The following MACROD2 variants were observed in gnomAD, a reference collection of about 807,000 sequenced individuals.
MACROD2 encodes the protein mono-ADP ribosylhydrolase 2, also known as ADP-ribose glycohydrolase MACROD2.
Under a neutral mutation model 70.4 loss-of-function variants are expected in MACROD2, and 36 were observed. That is an observed-to-expected ratio of 0.51 (90% CI 0.39 to 0.68). The LOEUF is 0.68. Among genes scored for constraint, MACROD2 ranks in the 30% least tolerant of loss-of-function variants. The pLI is 0.00. For missense variants in MACROD2, 496 were observed against 538.4 expected (o/e 0.92, Z 0.78); for synonymous variants, 172 against 178.8 (o/e 0.96, Z 0.30).
At chr20:14,008,810 C>T (rs2052857892) in intron 2 of MACROD2, among the ~76,000 whole-genome samples, 1 of 151,706 alleles carries the variant, frequency 6.6e-6, no homozygotes, top group African/African-American at 2.4e-5. Flanking sequence ...AGAAATAAGT[C>T]TGCACACCTA....
intron 4 of MACROD2, among the ~76,000 whole-genome samples, chr20:14,651,600 T>C (rs1239233267): frequency 6.6e-6 from 1 of 152,210 alleles, no homozygotes; most frequent in Non-Finnish European, 1.5e-5. Flanking sequence ...CTGAACCATA[T>C]TGCTATATTG....
rs1307586288 is a variant in MACROD2 at position 14,227,764 on chromosome 20, C to G, written c.271+142036C>G. ...GCTGGGCTGAGCCTTTAAAATTTCC[C>G]TTTGCTTTTAGAAATTAATTTATGG... On this transcript the variant is annotated intron_variant, in intron 3 of 17. Transcript: ENST00000684519. 1.3e-5 allele frequency among the ~76,000 whole-genome samples: 2 copies of G among 152,186 alleles called. 1 individual carries two copies. Among genetic ancestry groups the G allele is most frequent in the South Asian group, 4.1e-4 (2 of 4,828 alleles).
chr20:14,411,578 C>T (rs946667136), intron 3 of MACROD2, among the ~76,000 whole-genome samples: 5 of 152,212 alleles, frequency 3.3e-5, no homozygotes, highest in East Asian at 1.9e-4. Flanking sequence ...GTCTAAGATA[C>T]TAAATACTAT....
chr20:14,255,971 A>C (rs2082053102), intron 3 of MACROD2, among the ~76,000 whole-genome samples: 1 of 151,420 alleles, frequency 6.6e-6, no homozygotes, highest in African/African-American at 2.4e-5. Flanking sequence ...TCATATTTTC[A>C]ATTTTGAAGA....
At chr20:15,811,216 A>G (rs375006481) in intron 8 of MACROD2, among the ~76,000 whole-genome samples, 2 of 152,080 alleles carry the variant, frequency 1.3e-5, no homozygotes, top group East Asian at 3.9e-4. Flanking sequence ...TCCAGAATCT[A>G]CAATGAACTC....
intron 4 of MACROD2, among the ~76,000 whole-genome samples, chr20:14,596,075 A>G (rs926874072): frequency 6.6e-6 from 1 of 151,352 alleles, no homozygotes. Context: ...ACACACATTT[A>G]TATATATATA....
At chr20:15,234,030 T>A (rs1158114356) in intron 6 of MACROD2, among the ~76,000 whole-genome samples, 10 of 24,664 alleles carry the variant, frequency 4.1e-4, no homozygotes, top group Admixed American at 2.0e-3. Context: ...TTTTTTTTTT[T>A]TTTTTTTTTT....
chr20:15,471,825 A>G (rs1249046569), intron 7 of MACROD2, among the ~76,000 whole-genome samples: 1 of 151,772 alleles, frequency 6.6e-6, no homozygotes, highest in Non-Finnish European at 1.5e-5. Flanking sequence ...CTCTTTCTCC[A>G]GATTGATGAT....
chr20:15,280,367 G>C (rs1366347275), intron 6 of MACROD2, among the ~76,000 whole-genome samples: 1 of 152,054 alleles, frequency 6.6e-6, no homozygotes, highest in Non-Finnish European at 1.5e-5. Flanking sequence ...AATAGTCACA[G>C]ACTAAATATC....
At chr20:15,311,199 T>C (rs1014276173) in intron 6 of MACROD2, among the ~76,000 whole-genome samples, 5 of 152,074 alleles carry the variant, frequency 3.3e-5, no homozygotes, top group African/African-American at 1.2e-4. Flanking sequence ...GGTTAACCTG[T>C]AGTATTAATG....
chr20:14,969,750 T>C (rs1377237472), intron 5 of MACROD2, among the ~76,000 whole-genome samples: 1 of 152,182 alleles, frequency 6.6e-6, no homozygotes, highest in Non-Finnish European at 1.5e-5. Context: ...TATTCATTTA[T>C]ATTAGATTCA....
At chr20:14,755,235 T>C (rs2071924669) in intron 5 of MACROD2, among the ~76,000 whole-genome samples, 1 of 152,034 alleles carries the variant, frequency 6.6e-6, no homozygotes, top group African/African-American at 2.4e-5. Flanking sequence ...CCTTGGGCTA[T>C]TTTAGATGAG....
At chr20:14,262,584 C>T (rs578064223) in intron 3 of MACROD2, among the ~76,000 whole-genome samples, 1 of 152,134 alleles carries the variant, frequency 6.6e-6, no homozygotes, top group South Asian at 2.1e-4. Flanking sequence ...AATGTAATTA[C>T]TTGGAAAGAG....
intron 3 of MACROD2, among the ~76,000 whole-genome samples, chr20:14,328,066 A>G (rs2082767837): frequency 1.3e-5 from 2 of 152,034 alleles, no homozygotes; most frequent in African/African-American, 2.4e-5. Context: ...AAAAATACCT[A>G]TTCTCTTCAT....
chr20:15,334,687 A>T (rs1200201524), intron 6 of MACROD2, among the ~76,000 whole-genome samples: 1 of 151,656 alleles, frequency 6.6e-6, no homozygotes, highest in Non-Finnish European at 1.5e-5. Context: ...GCACCATGGA[A>T]AGTCTCATAT....
rs11473589 is a variant in MACROD2 at position 15,006,141 on chromosome 20, ATGTGTGTGTGTG to A, written c.419-223769_419-223758del. Among the ~76,000 whole-genome samples the A allele has an allele frequency of 4.5e-4, 60 of 134,364 alleles. 1 individual carries two copies. The highest frequency in any genetic ancestry group is 1.2e-3 in the South Asian group (5 of 4,052). 88.1% of individuals were successfully genotyped at this position (134,364 alleles called of 152,430 possible). On this transcript the variant is annotated intron_variant, in intron 5 of 17. Coordinates refer to ENST00000684519, the MANE Select transcript of MACROD2 (RefSeq NM_001351661.2). Reference sequence around the variant, plus strand: ...CAAAGAATGCATTTTATATATATATATGTGTGTGTGTGTGTGTGTGTGTGTGTGTGTGTGTGT... The same window carrying A: ...CAAAGAATGCATTTTATATATATATATGTGTGTGTGTGTGTGTGTGTGTGT...
At chr20:15,381,186 A>G (rs2045638610) in intron 6 of MACROD2, among the ~76,000 whole-genome samples, 1 of 152,074 alleles carries the variant, frequency 6.6e-6, no homozygotes, top group African/African-American at 2.4e-5. Context: ...TTTATAATAA[A>G]CTTCATACAT....
chr20:14,909,671 C>T (rs1184671074), intron 5 of MACROD2, among the ~76,000 whole-genome samples: 2 of 151,954 alleles, frequency 1.3e-5, no homozygotes, highest in Admixed American at 6.6e-5. Flanking sequence ...TGTAATAAAC[C>T]TTCCAGTTCT....
intron 9 of MACROD2, among the ~76,000 whole-genome samples, chr20:15,863,776 A>G (rs1423751259): frequency 6.6e-6 from 1 of 152,176 alleles, no homozygotes; most frequent in Non-Finnish European, 1.5e-5. Context: ...AATAAAGAGG[A>G]TGCCTTGCCT....
Sources: gnomAD v4.1 joint callset for allele counts (sites outside exome capture counted in the v4.1 genomes callset) on GRCh38, gnomAD v4.1.1 for gene constraint, MANE v1.5 for transcripts, NCBI Gene and HGNC (gene_info 2026-07-23, HGNC 2026-07-21) for gene names.